The following MYO3A variants were observed in gnomAD, a reference collection of about 807,000 sequenced individuals.
The protein encoded by MYO3A is myosin-IIIa.
Under a neutral mutation model 192.7 loss-of-function variants are expected in MYO3A, and 180 were observed. That is an observed-to-expected ratio of 0.93 (90% CI 0.83 to 1.06). The LOEUF is 1.06. Among genes scored for constraint, MYO3A ranks in the 50% least tolerant of loss-of-function variants. MYO3A has a pLI of 0.00. For missense variants in MYO3A, 1,896 were observed against 1,905.0 expected (o/e 1.00, Z 0.09); for synonymous variants, 628 against 645.3 (o/e 0.97, Z 0.41).
intron 14 of MYO3A, among the ~76,000 whole-genome samples, chr10:26,070,937 A>T (rs1262637838): frequency 6.6e-6 from 1 of 152,158 alleles, no homozygotes; most frequent in Non-Finnish European, 1.5e-5. Flanking sequence ...ATGATCATGG[A>T]TTAAGTGACT....
intron 20 of MYO3A, 43 bp downstream of exon 20, chr10:26,128,581 T>C (rs774188375): frequency 6.4e-7 from 1 of 1,555,532 alleles, no homozygotes; most frequent in Non-Finnish European, 8.8e-7. Flanking sequence ...CATGCATGTA[T>C]TATAGGCAGA....
chr10:26,081,195 C>CCAG (rs1007921209), intron 14 of MYO3A, among the ~76,000 whole-genome samples: 2 of 133,298 alleles, frequency 1.5e-5, no homozygotes, highest in Admixed American at 8.2e-5. Flanking sequence ...GGGGGCAGGG[C>CCAG]CAGGTGTGTC....
chr10:25,985,964 A>G (rs867666756), intron 4 of MYO3A, among the ~76,000 whole-genome samples: 2 of 152,324 alleles, frequency 1.3e-5, no homozygotes, highest in South Asian at 4.1e-4. Context: ...TCAACAAAAT[A>G]CTAGCAAACT....
intron 14 of MYO3A, among the ~76,000 whole-genome samples, chr10:26,085,278 T>C (rs1435055857): frequency 6.6e-6 from 1 of 152,082 alleles, no homozygotes; most frequent in Non-Finnish European, 1.5e-5. Flanking sequence ...TGATTTTTTT[T>C]CCTTTCTTCT....
chr10:26,042,209 T>A (rs943405936), intron 10 of MYO3A, among the ~76,000 whole-genome samples: 3 of 152,304 alleles, frequency 2.0e-5, no homozygotes, highest in East Asian at 1.9e-4. Flanking sequence ...CTCCCTTTTA[T>A]GTAATTTACT....
chr10:26,024,188 C>A (rs781485336), intron 9 of MYO3A, 101 bp downstream of exon 9: 63 of 1,125,522 alleles, frequency 5.6e-5, no homozygotes, highest in Non-Finnish European at 7.8e-5. Context: ...CCAGAGATTT[C>A]TATTATTTTC....
chr10:25,981,398 GA>G (rs951440789), intron 4 of MYO3A, among the ~76,000 whole-genome samples: 4 of 149,508 alleles, frequency 2.7e-5, no homozygotes, highest in South Asian at 2.1e-4. Flanking sequence ...TTTGAATTAG[GA>G]AAAAAAAAAT....
At position 26,153,838 on chromosome 10, in the gene MYO3A, A is replaced by C; in HGVS notation, c.2636-12A>C. On this transcript the variant is annotated splice_polypyrimidine_tract_variant and intron_variant, in intron 23 of 34. Coordinates refer to ENST00000642920, the MANE Select transcript of MYO3A (RefSeq NM_017433.5). ...TCTAAAAGGTATATTACATTTTTCT[A>C]CATTCTCATAGGTAATCTGCCACAT... The C allele has an allele frequency of 1.3e-6, 2 of 1,510,278 alleles. No homozygotes were observed. Among genetic ancestry groups the C allele is most frequent in the Non-Finnish European group, 1.8e-6 (2 of 1,086,268 alleles). The allele number at this position is 1,510,278 out of a possible 1,614,324, so 93.6% of individuals were successfully genotyped here. A position where few individuals can be genotyped will look rare whatever the true frequency, so the allele number is the denominator to read the frequency against.
intron 10 of MYO3A, among the ~76,000 whole-genome samples, chr10:26,056,124 A>T (rs1470489091): frequency 6.6e-6 from 1 of 152,208 alleles, no homozygotes; most frequent in Admixed American, 6.5e-5. Flanking sequence ...ACAGATGGGC[A>T]ATGTAAGTAG....
At chr10:26,159,891 A>G (rs761717271) in intron 26 of MYO3A, among the ~76,000 whole-genome samples, 8 of 152,142 alleles carry the variant, frequency 5.3e-5, no homozygotes, top group Non-Finnish European at 1.2e-4. Flanking sequence ...TACTTCCTAC[A>G]GATCAGACAC....
At chr10:25,959,962 C>T (rs183638488) in intron 4 of MYO3A, among the ~76,000 whole-genome samples, 322 of 152,136 alleles carry the variant, frequency 2.1e-3, no homozygotes, top group African/African-American at 7.2e-3. Context: ...ACTGCTTCTC[C>T]ACCTCTACTA....
At chr10:26,140,981 G>A (rs1336307612) in intron 20 of MYO3A, among the ~76,000 whole-genome samples, 3 of 152,100 alleles carry the variant, frequency 2.0e-5, no homozygotes, top group African/African-American at 7.2e-5. Context: ...AGGCTGGAGT[G>A]CAGTGGCGCA....
chr10:25,998,232 T>A (rs1297034926), intron 6 of MYO3A, among the ~76,000 whole-genome samples: 1 of 152,214 alleles, frequency 6.6e-6, no homozygotes, highest in African/African-American at 2.4e-5. Flanking sequence ...GTTGAATGAA[T>A]GAGTCTTCCT....
intron 10 of MYO3A, among the ~76,000 whole-genome samples, chr10:26,051,335 ATGAT>A (rs781506324): frequency 6.5e-4 from 99 of 152,146 alleles, no homozygotes; most frequent in Non-Finnish European, 1.1e-3. Flanking sequence ...AGAAGTCTAA[ATGAT>A]TGGGGAAAAG....
intron 6 of MYO3A, among the ~76,000 whole-genome samples, chr10:26,010,497 T>C (rs1841578166): frequency 6.7e-6 from 1 of 148,326 alleles, no homozygotes; most frequent in African/African-American, 2.5e-5. Flanking sequence ...GGAGTCTTGC[T>C]CTGTTGCCCA....
At position 25,935,599 on chromosome 10, in the gene MYO3A, A is replaced by G. The variant is rs536776552; in HGVS notation, c.-104-145A>G. 10 of 152,300 alleles carry G rather than the reference A, an allele frequency of 6.6e-5. 1 individual carries two copies. The South Asian group carries it at 2.1e-3, about 32-fold the overall frequency. The allele number at this position is 152,300 out of a possible 1,614,324, so 9.4% of individuals were successfully genotyped here. ...CTTTAAGTTCCTTGTTCATTGTGTA[A>G]AAGTGCGAAAACTTAGTTACTGAGG... On this transcript the variant is annotated intron_variant, in intron 1 of 34. Coordinates refer to ENST00000642920, the MANE Select transcript of MYO3A (RefSeq NM_017433.5).
chr10:26,080,482 C>T (rs1835848924), intron 14 of MYO3A, among the ~76,000 whole-genome samples: 1 of 150,834 alleles, frequency 6.6e-6, no homozygotes, highest in South Asian at 2.1e-4. Context: ...TCTCTGTTCC[C>T]TCCCTGATTA....
chr10:26,188,109 C>G (rs1842948513), intron 31 of MYO3A, among the ~76,000 whole-genome samples: 1 of 152,210 alleles, frequency 6.6e-6, no homozygotes, highest in African/African-American at 2.4e-5. Context: ...GTCCCACCAA[C>G]AGTGTAAAAG....
chr10:26,088,750 C>T (rs1836498857), intron 15 of MYO3A, among the ~76,000 whole-genome samples: 1 of 152,054 alleles, frequency 6.6e-6, no homozygotes, highest in Non-Finnish European at 1.5e-5. Context: ...TAACTGAGTC[C>T]TTTTCTGTTT....
Sources: allele counts gnomAD v4.1 joint callset (sites outside exome capture counted in the v4.1 genomes callset), GRCh38; gene constraint gnomAD v4.1.1; transcripts MANE v1.5; gene names NCBI Gene and HGNC (gene_info 2026-07-23, HGNC 2026-07-21).